Variants in DEPDC5 observed in about 807,000 individuals in gnomAD.
DEPDC5 encodes the protein GATOR1 complex protein DEPDC5.
DEPDC5 carries 73 observed loss-of-function variants against 217.3 expected under a neutral mutation model. The ratio of observed to expected loss-of-function variants is 0.34; its 90% CI spans 0.28 to 0.41. DEPDC5 has a LOEUF of 0.41. Among genes scored for constraint, DEPDC5 ranks in the 10% least tolerant of loss-of-function variants. The probability of loss-of-function intolerance (pLI) is 1.00; values close to 1 mark genes in which losing one functional copy is unlikely to be tolerated. For missense variants in DEPDC5, 1,675 were observed against 2,070.1 expected (o/e 0.81, Z 3.70); for synonymous variants, 733 against 756.7 (o/e 0.97, Z 0.51).
chr22:31,848,431 T>C (rs1193643297), intron 31 of DEPDC5, among the ~76,000 whole-genome samples: 1 of 152,236 alleles, frequency 6.6e-6, no homozygotes, highest in African/African-American at 2.4e-5. Flanking sequence ...CCTCAGTTCT[T>C]GACTTCTGTG....
intron 33 of DEPDC5, among the ~76,000 whole-genome samples, chr22:31,866,097 A>G (rs1455336503): frequency 1.3e-5 from 2 of 152,178 alleles, no homozygotes; most frequent in South Asian, 2.1e-4. Context: ...GGTGGAAGGT[A>G]GAAGACCCAT....
At chr22:31,790,753 T>C (rs1490993832) in intron 10 of DEPDC5, among the ~76,000 whole-genome samples, 1 of 147,350 alleles carries the variant, frequency 6.8e-6, no homozygotes, top group Non-Finnish European at 1.5e-5. Context: ...TTTTCTTTTT[T>C]TTTTTTTTTT....
At position 31,864,354 on chromosome 22, in the gene DEPDC5, C is replaced by T. The variant is rs143876157; in HGVS notation, c.3330+2921C>T. Among the ~76,000 whole-genome samples, 63 of 151,600 alleles carry T rather than the reference C, an allele frequency of 4.2e-4. No homozygotes were observed. The East Asian group carries it at 0.011, about 26-fold the overall frequency. ...CTCCTAACCTCAGGTGATCCACCTG[C>T]CTCAGCCTCCCAAAGTGCTGGGATT... On this transcript the variant is annotated intron_variant, in intron 33 of 42. Transcript: ENST00000651528.
rs1166622725 is a variant in DEPDC5 at position 31,854,894 on chromosome 22, T to C, written c.3156-2551T>C. Among the ~76,000 whole-genome samples, 4 of 151,792 alleles carry C rather than the reference T, an allele frequency of 2.6e-5. No homozygotes were observed. In the East Asian group the frequency reaches 7.7e-4, roughly 29 times the overall value. On this transcript the variant is annotated intron_variant, in intron 31 of 42. Transcript: ENST00000651528. ...ATAAGGAGAGATGAAGAGGAGCTTA[T>C]ACCTTAAAAAGGACTTAAGAGATAT...
chr22:31,785,336 C>T (rs1239902709), intron 10 of DEPDC5, among the ~76,000 whole-genome samples: 1 of 152,140 alleles, frequency 6.6e-6, no homozygotes, highest in Admixed American at 6.6e-5. Flanking sequence ...AATCAACACA[C>T]AAAATCAATT....
intron 4 of DEPDC5, among the ~76,000 whole-genome samples, chr22:31,763,616 T>G (rs2148075780): frequency 6.6e-6 from 1 of 151,350 alleles, no homozygotes. Context: ...CATGCCTGGC[T>G]AATTTTTTTT....
intron 41 of DEPDC5, among the ~76,000 whole-genome samples, chr22:31,904,651 C>T (rs2093724905): frequency 6.6e-6 from 1 of 152,078 alleles, no homozygotes; most frequent in African/African-American, 2.4e-5. Context: ...GCTGGAAGCA[C>T]AAGAATTGCT....
intron 31 of DEPDC5, among the ~76,000 whole-genome samples, chr22:31,855,765 G>T (rs995666937): frequency 6.6e-6 from 1 of 151,986 alleles, no homozygotes; most frequent in African/African-American, 2.4e-5. Context: ...GGGATATGTA[G>T]GGGTTCATTA....
chr22:31,872,573 A>G (rs1189258253), intron 34 of DEPDC5, among the ~76,000 whole-genome samples: 2 of 152,156 alleles, frequency 1.3e-5, no homozygotes, highest in East Asian at 3.8e-4. Flanking sequence ...GTCAGGATTC[A>G]ATGAAGCTAC....
rs770377413 is a variant in DEPDC5, at chr22:31,818,975, TG to T, written c.1667-45del. The T allele has an allele frequency of 1.3e-5, 20 of 1,598,910 alleles. No individual in the cohort carries two copies. In the Admixed American group the frequency reaches 2.3e-4, roughly 19 times the overall value. ...ATTCTACCTAGCTCTGGTTTCACTG[TG>T]GTTCTGTGGTTTTTCTTTGTGACTC... is the stretch of plus-strand genomic sequence containing the variant. On this transcript the variant is annotated intron_variant, in intron 21 of 42. Transcript: ENST00000651528.
intron 1 of DEPDC5, 69 bp from the exon 2 acceptor site, chr22:31,754,793 C>A: frequency 9.3e-7 from 1 of 1,071,252 alleles, no homozygotes; most frequent in Non-Finnish European, 1.4e-6. Context: ...CTTCACTGGC[C>A]TAAAATCAAA....
chr22:31,811,557 T>C (rs1183407653), intron 20 of DEPDC5, among the ~76,000 whole-genome samples: 2 of 151,826 alleles, frequency 1.3e-5, no homozygotes, highest in Non-Finnish European at 1.5e-5. Flanking sequence ...GTAGTTGTTT[T>C]TTTTTTTTTT....
intron 37 of DEPDC5, among the ~76,000 whole-genome samples, chr22:31,879,043 A>AAATAT (rs763615141): frequency 1.2e-4 from 14 of 119,464 alleles, no homozygotes; most frequent in South Asian, 5.7e-4. Flanking sequence ...AAAAAAAAAA[A>AAATAT]ATATATATAT....
At chr22:31,876,857 T>C (rs1374999591) in intron 37 of DEPDC5, among the ~76,000 whole-genome samples, 1 of 152,158 alleles carries the variant, frequency 6.6e-6, no homozygotes, top group East Asian at 1.9e-4. Flanking sequence ...CACCCCAGAT[T>C]CAGACCAGCA....
At chr22:31,791,960 T>G in intron 10 of DEPDC5, 73 bp from the exon 11 acceptor site, 2 of 630,532 alleles carry the variant, frequency 3.2e-6, no homozygotes, top group Non-Finnish European at 5.3e-6. Context: ...AAGAATATTA[T>G]ATGCATGCAG....
At position 31,879,396 on chromosome 22, in the gene DEPDC5, A is replaced by T; in HGVS notation, c.3806-129A>T. ...ACGTTTCACATAAATGGAACTATACAGTATGTGGCCTTGTGTGTCGGCTTC... is the reference window on the plus strand; with the variant it reads ...ACGTTTCACATAAATGGAACTATACTGTATGTGGCCTTGTGTGTCGGCTTC... On this transcript the variant is annotated intron_variant, in intron 37 of 42. Transcript: ENST00000651528. 2 of 795,698 alleles carry T rather than the reference A, an allele frequency of 2.5e-6. 1 individual carries two copies. The highest frequency in any genetic ancestry group is 3.3e-5 in the South Asian group (2 of 60,630). 49.3% of individuals were successfully genotyped at this position (795,698 alleles called of 1,614,324 possible). A position where few individuals can be genotyped will look rare whatever the true frequency, so the allele number is the denominator to read the frequency against.
At chr22:31,761,568 T>C (rs2082389800) in intron 4 of DEPDC5, among the ~76,000 whole-genome samples, 1 of 146,926 alleles carries the variant, frequency 6.8e-6, no homozygotes, top group Non-Finnish European at 1.5e-5. Flanking sequence ...GAGGCTGAGG[T>C]GGAAGGATCA....
At chr22:31,900,814 G>A (rs1039018265) in intron 40 of DEPDC5, among the ~76,000 whole-genome samples, 1 of 152,202 alleles carries the variant, frequency 6.6e-6, no homozygotes. Context: ...AGTGGCTCAT[G>A]CCTGTAATCC....
chr22:31,803,540 C>G lies in DEPDC5; in HGVS notation c.1082-622C>G, dbSNP rs574338405. Among the ~76,000 whole-genome samples the G allele has an allele frequency of 2.0e-5, 3 of 152,190 alleles. No individual in the cohort carries two copies. The South Asian group carries it at 6.2e-4, about 32-fold the overall frequency. ...GTCAGCCCATTTTCAGATGCACTATCAGGTCATCTAGTCCAGTCCTTCCTC... is the reference window on the plus strand; with the variant it reads ...GTCAGCCCATTTTCAGATGCACTATGAGGTCATCTAGTCCAGTCCTTCCTC... On this transcript the variant is annotated intron_variant, in intron 15 of 42. Coordinates refer to ENST00000651528, the MANE Select transcript of DEPDC5 (RefSeq NM_001242896.3).
Sources: gnomAD v4.1 joint callset for allele counts (sites outside exome capture counted in the v4.1 genomes callset) on GRCh38, gnomAD v4.1.1 for gene constraint, MANE v1.5 for transcripts, NCBI Gene and HGNC (gene_info 2026-07-23, HGNC 2026-07-21) for gene names.